Variants in CACNA1A observed in about 807,000 individuals in gnomAD.
The protein encoded by CACNA1A is calcium voltage-gated channel subunit alpha1 A.
CACNA1A carries 57 observed loss-of-function variants against 262.4 expected under a neutral mutation model. The observed-to-expected ratio is 0.22, with a 90% CI of 0.18 to 0.27. The LOEUF is 0.27. Among genes scored for constraint, CACNA1A ranks in the 10% least tolerant of loss-of-function variants. The pLI, the probability that CACNA1A is intolerant of heterozygous loss-of-function variation, is 1.00. For missense variants in CACNA1A, 2,526 were observed against 3,562.8 expected, an observed-to-expected ratio of 0.71 and a Z score of 7.41; for synonymous variants, 1,431 against 1,419.3, an observed-to-expected ratio of 1.01 and a Z score of -0.18.
At chr19:13,400,274 C>T (rs973114730) in intron 3 of CACNA1A, among the ~76,000 whole-genome samples, 1 of 152,174 alleles carries the variant, frequency 6.6e-6, no homozygotes, top group Admixed American at 6.6e-5. Flanking sequence ...ATGTATAACA[C>T]TGCACATTCG....
chr19:13,330,244 C>T lies in CACNA1A; in HGVS notation c.1345G>A (p.Gly449Ser). Residue 449 changes from glycine (G) to serine (S), a missense_variant and splice_region_variant, in exon 10 of 47, where the codon GGT (glycine) becomes AGT (serine). Around this residue, in one of 17 missense-constraint regions of CACNA1A, gnomAD observed 104 missense variants for 127.6 expected, o/e 0.81. Transcript: ENST00000360228. ...EDQLADIASV[G>S]SPFARASIKS... is the part of the protein sequence containing the mutation. ...ATAGGTGGCAGAGGAAGGGACTCAC[C>T]CACAGAGGCTATATCAGCCAGCTGA... The T allele has an allele frequency of 6.4e-7, 1 of 1,553,252 alleles. No individual in the cohort carries two copies. Among genetic ancestry groups the T allele is most frequent in the Non-Finnish European group, 8.7e-7 (1 of 1,146,914 alleles).
intron 19 of CACNA1A, among the ~76,000 whole-genome samples, chr19:13,287,803 CT>C (rs34542703): frequency 0.015 from 1,962 of 133,426 alleles, 29 homozygotes; most frequent in African/African-American, 0.045. Flanking sequence ...CACCTGGCCT[CT>C]TTTTTTTTTT....
chr19:13,326,424 G>A (rs1427811628), intron 10 of CACNA1A, among the ~76,000 whole-genome samples: 2 of 152,124 alleles, frequency 1.3e-5, no homozygotes, highest in Non-Finnish European at 2.9e-5. Flanking sequence ...TCATCAATTA[G>A]GAATGAACCT....
intron 3 of CACNA1A, among the ~76,000 whole-genome samples, chr19:13,395,973 T>C (rs1380960465): frequency 3.3e-5 from 5 of 152,276 alleles, no homozygotes. Flanking sequence ...TGTTCAATCA[T>C]ATTTCTACAC....
chr19:13,337,211 A>C (rs988818194), intron 6 of CACNA1A, among the ~76,000 whole-genome samples: 3 of 152,120 alleles, frequency 2.0e-5, no homozygotes, highest in Non-Finnish European at 4.4e-5. Context: ...AACAACAAAG[A>C]TTTATTGTCT....
chr19:13,428,990 T>C (rs574130709), intron 3 of CACNA1A, among the ~76,000 whole-genome samples: 1 of 152,074 alleles, frequency 6.6e-6, no homozygotes, highest in South Asian at 2.1e-4. Flanking sequence ...CCTCTGCAAA[T>C]GGAATAGCCT....
chr19:13,486,366 G>GTCTC (rs1167412544), intron 1 of CACNA1A, among the ~76,000 whole-genome samples: 1 of 65,458 alleles, frequency 1.5e-5, no homozygotes, highest in Admixed American at 1.2e-4. Flanking sequence ...GGTTTGTTCT[G>GTCTC]TCTCTCTCTC....
chr19:13,422,770 C>A (rs1200442758), intron 3 of CACNA1A, among the ~76,000 whole-genome samples: 1 of 152,184 alleles, frequency 6.6e-6, no homozygotes, highest in Non-Finnish European at 1.5e-5. Flanking sequence ...AAACCCTGGA[C>A]ACCAAGGCTC....
Position 13,359,040 on chromosome 19 carries a change from T to C in CACNA1A, c.978+566A>G, listed in dbSNP as rs138470800. ...CCCCTCGGATGTCCTTGGCCCTCAGTTGGGTTACGAACAGATCCATATGAG... is the reference window on the plus strand; with the variant it reads ...CCCCTCGGATGTCCTTGGCCCTCAGCTGGGTTACGAACAGATCCATATGAG... On this transcript the variant is annotated intron_variant, in intron 6 of 46. Coordinates refer to ENST00000360228, the MANE Select transcript of CACNA1A (RefSeq NM_001127222.2). Among the ~76,000 whole-genome samples, 76 of 152,310 alleles carry C rather than the reference T, an allele frequency of 5.0e-4. No homozygotes were observed. The East Asian group carries it at 0.013, about 25-fold the overall frequency.
At chr19:13,319,580 A>G (rs2058204883) in intron 10 of CACNA1A, among the ~76,000 whole-genome samples, 1 of 152,198 alleles carries the variant, frequency 6.6e-6, no homozygotes, top group Non-Finnish European at 1.5e-5. Context: ...ACTTCCTATC[A>G]GCAAAATTCT....
Position 13,342,958 on chromosome 19 carries a change from T to C in CACNA1A, c.979-7049A>G, listed in dbSNP as rs188748376. On this transcript the variant is annotated intron_variant, in intron 6 of 46. Transcript: ENST00000360228. ...ATATTTTGTAGAGAGGGGGTCTCTG[T>C]TGCCCAGGCTGGTCTCGAACTCCTG... Among the ~76,000 whole-genome samples, 8 of 152,276 alleles carry C rather than the reference T, an allele frequency of 5.3e-5. No individual in the cohort carries two copies. In the East Asian group the frequency reaches 1.5e-3, roughly 29 times the overall value.
chr19:13,234,879 AC>A (rs1337854078), intron 34 of CACNA1A, 41 bp downstream of exon 34: 2 of 1,368,468 alleles, frequency 1.5e-6, no homozygotes, highest in Non-Finnish European at 2.1e-6. Context: ...CAGGCACCCC[AC>A]CCCACGGAAA....
chr19:13,226,038 A>C (rs2055423783), intron 37 of CACNA1A: 1 of 151,958 alleles, frequency 6.6e-6, no homozygotes, highest in Admixed American at 6.6e-5. Flanking sequence ...GATAGAAAAA[A>C]AGTGTCTTGT....
intron 3 of CACNA1A, among the ~76,000 whole-genome samples, chr19:13,439,701 G>A (rs769071768): frequency 1.5e-4 from 23 of 152,098 alleles, no homozygotes; most frequent in Non-Finnish European, 1.9e-4. Context: ...GTGGGCCACC[G>A]TGCCTGGCCC....
intron 3 of CACNA1A, among the ~76,000 whole-genome samples, chr19:13,449,496 A>G (rs758909556): frequency 1.8e-4 from 28 of 152,034 alleles, no homozygotes; most frequent in Non-Finnish European, 3.4e-4. Flanking sequence ...CATTTTGTAG[A>G]GACAGGGTTT....
chr19:13,484,303 TCCAGAAACCCTGGGGG>T (rs1240790148), intron 1 of CACNA1A, among the ~76,000 whole-genome samples: 1 of 152,136 alleles, frequency 6.6e-6, no homozygotes, highest in East Asian at 1.9e-4. Context: ...TTGAATTGGC[TCCAGAAACCCTGGGGG>T]CCAGGGGCTG....
At chr19:13,457,418 C>T (rs535597038) in intron 1 of CACNA1A, among the ~76,000 whole-genome samples, 3 of 152,272 alleles carry the variant, frequency 2.0e-5, no homozygotes, top group South Asian at 4.1e-4. Context: ...GGTATTCCAA[C>T]GAACACTCAT....
chr19:13,408,801 G>T (rs2060057752), intron 3 of CACNA1A, among the ~76,000 whole-genome samples: 1 of 152,248 alleles, frequency 6.6e-6, no homozygotes, highest in Non-Finnish European at 1.5e-5. Context: ...CCAGGAAGGG[G>T]ACTGTGTACT....
At chr19:13,326,065 C>T (rs2048746197) in intron 10 of CACNA1A, among the ~76,000 whole-genome samples, 1 of 152,092 alleles carries the variant, frequency 6.6e-6, no homozygotes, top group South Asian at 2.1e-4. Flanking sequence ...CCTGTAATCC[C>T]AGCACTTTCG....
Sources: allele counts gnomAD v4.1 joint callset (sites outside exome capture counted in the v4.1 genomes callset), GRCh38; gene constraint gnomAD v4.1.1; regional missense constraint gnomAD v4.1.1; transcripts MANE v1.5; gene names NCBI Gene and HGNC (gene_info 2026-07-23, HGNC 2026-07-21).